MYDGF: variants seen among roughly 807,000 people sequenced by gnomAD.
MYDGF encodes the protein myeloid-derived growth factor.
Under a neutral mutation model 24.2 loss-of-function variants are expected in MYDGF, and 29 were observed. The ratio of observed to expected loss-of-function variants is 1.20; its 90% confidence interval spans 0.89 to 1.63. The LOEUF (loss-of-function observed/expected upper bound fraction) is 1.63, where lower values mean the gene tolerates loss of function less well. MYDGF is among the 40% of genes most tolerant of loss of function. The pLI, the probability that MYDGF is intolerant of heterozygous loss-of-function variation, is 0.00. For missense variants in MYDGF, 245 were observed against 234.8 expected, an observed-to-expected ratio of 1.04 and a Z score of -0.29; for synonymous variants, 105 against 102.5, an observed-to-expected ratio of 1.02 and a Z score of -0.15.
At chr19:4,660,060 A>G in intron 4 of MYDGF, 57 bp from the exon 5 acceptor site, 1 of 1,491,356 alleles carries the variant, frequency 6.7e-7, no homozygotes, top group South Asian at 1.1e-5. Flanking sequence ...ATCATTAGGA[A>G]AACGATTGAG....
intron 3 of MYDGF, 44 bp from the exon 4 acceptor site, chr19:4,660,794 G>T: frequency 6.4e-7 from 1 of 1,565,516 alleles, no homozygotes; most frequent in Non-Finnish European, 8.8e-7. Flanking sequence ...AGGCCTGCTG[G>T]GTCTGGGTCT....
chr19:4,663,249 A>ACATTCTACACAGCCTCCAATCTACCCT (rs2088486078), intron 3 of MYDGF, among the ~76,000 whole-genome samples: 1 of 13,484 alleles, frequency 7.4e-5, no homozygotes, highest in South Asian at 3.1e-3. Context: ...CTCCCCACCC[A>ACATTCTACACAGCCTCCAATCTACCCT]CCCCATCCTC....
Position 4,660,704 on chromosome 19 carries a change from C to T in MYDGF, c.334G>A (p.Val112Met). The T allele has an allele frequency of 6.2e-7, 1 of 1,614,122 alleles. No homozygotes were observed. The highest frequency in any genetic ancestry group is 1.1e-5 in the South Asian group (1 of 91,090). Residue 112 changes from valine (V) to methionine (M), a missense_variant, in exon 4 of 6, where the codon GTG (valine) becomes ATG (methionine). Coordinates refer to ENST00000262947, the MANE Select transcript of MYDGF (RefSeq NM_019107.4). Reference sequence around the variant, plus strand: ...GCGTACTCAATCTCAGCGCCCCGCACCTCTGCCTTGAACTGTGTGAAGTAC... The same window carrying T: ...GCGTACTCAATCTCAGCGCCCCGCATCTCTGCCTTGAACTGTGTGAAGTAC... ...YLYFTQFKAE[V>M]RGAEIEYAMA...
At chr19:4,663,897 C>T (rs1457810754) in intron 3 of MYDGF, among the ~76,000 whole-genome samples, 1 of 150,408 alleles carries the variant, frequency 6.6e-6, no homozygotes, top group African/African-American at 2.5e-5. Flanking sequence ...TGGTTGGTGC[C>T]TGGAGGGGCT....
intron 2 of MYDGF, among the ~76,000 whole-genome samples, chr19:4,667,049 C>T (rs561324354): frequency 3.3e-4 from 50 of 151,808 alleles, no homozygotes; most frequent in African/African-American, 1.1e-3. Flanking sequence ...TCCTAGAGGC[C>T]GCGTGTATTC....
chr19:4,662,571 G>A (rs779414791), intron 3 of MYDGF, among the ~76,000 whole-genome samples: 2 of 152,172 alleles, frequency 1.3e-5, no homozygotes, highest in South Asian at 4.1e-4. Context: ...GGCGGCAGGG[G>A]CAGAATCGGG....
At chr19:4,668,706 CG>C in intron 1 of MYDGF, 61 bp from the exon 2 acceptor site, 1 of 1,458,942 alleles carries the variant, frequency 6.9e-7, no homozygotes, top group African/African-American at 1.4e-5. Flanking sequence ...GTTTAAGAGA[CG>C]GGGTCTTGCT....
intron 3 of MYDGF, among the ~76,000 whole-genome samples, chr19:4,663,007 C>T (rs1189733573): frequency 1.3e-5 from 2 of 151,530 alleles, no homozygotes; most frequent in African/African-American, 4.9e-5. Context: ...TACACAGCCT[C>T]CAGTCTGTGC....
rs111801699 is a variant in MYDGF at position 4,663,708 on chromosome 19, T to C, written c.287+1168A>G. Among the ~76,000 whole-genome samples the C allele has an allele frequency of 2.3e-3, 66 of 29,132 alleles. 1 individual carries two copies. Among genetic ancestry groups the C allele is most frequent in the African/African-American group, 5.0e-3 (42 of 8,360 alleles). The allele number at this position is 29,132 out of a possible 152,430, so 19.1% of individuals were successfully genotyped here. ...CCCACCCTGTCCTCATTCTACACAG[T>C]CTCCAATCTGTGCTCTCCCCACCCA... On this transcript the variant is annotated intron_variant, in intron 3 of 5. Transcript: ENST00000262947.
chr19:4,658,341 G>A (rs1241686977), intron 5 of MYDGF, among the ~76,000 whole-genome samples: 2 of 152,204 alleles, frequency 1.3e-5, no homozygotes, highest in African/African-American at 2.4e-5. Flanking sequence ...GAGGTGGGAA[G>A]AACCCTGGTC....
rs767941479 is a variant in MYDGF, at chr19:4,664,956, G to T, written c.226-19C>A. The T allele has an allele frequency of 6.2e-7, 1 of 1,611,450 alleles. No homozygotes were observed. Among genetic ancestry groups the T allele is most frequent in the Non-Finnish European group, 8.5e-7 (1 of 1,179,290 alleles). On this transcript the variant is annotated intron_variant, in intron 2 of 5. Transcript: ENST00000262947. ...GCCATTGCTGGGGAGAGAAGACAGC[G>T]CGGGTCAGCCCCGGACACACAGCTG...
At chr19:4,668,129 T>C (rs1035280410) in intron 2 of MYDGF, among the ~76,000 whole-genome samples, 1 of 152,166 alleles carries the variant, frequency 6.6e-6, no homozygotes, top group African/African-American at 2.4e-5. Context: ...GGTTTTGCCA[T>C]GTTGGCCAGG....
In MYDGF at chr19:4,657,905, T is replaced by C; in HGVS notation, c.*100A>G. On this transcript the variant is annotated 3_prime_UTR_variant, in exon 6 of 6. Coordinates refer to ENST00000262947, the MANE Select transcript of MYDGF (RefSeq NM_019107.4). ...TCAGCCCAGGTAGAAAACTTAAGAG[T>C]CCCTCCTAGAAAACCAGTGATGTGC... 8.9e-7 allele frequency: 1 copy of C among 1,119,146 alleles called. No homozygotes were observed. Among genetic ancestry groups the C allele is most frequent in the Admixed American group, 2.5e-5 (1 of 39,534 alleles). The allele number at this position is 1,119,146 out of a possible 1,614,324, so 69.3% of individuals were successfully genotyped here. A position where few individuals can be genotyped will look rare whatever the true frequency, so the allele number is the denominator to read the frequency against.
intron 4 of MYDGF, 29 bp downstream of exon 4, chr19:4,660,640 C>G: frequency 6.2e-7 from 1 of 1,600,874 alleles, no homozygotes; most frequent in Non-Finnish European, 8.6e-7. Context: ...AAGCCACACC[C>G]GGAGCCTGCC....
chr19:4,658,232 G>A (rs1568285441), intron 5 of MYDGF, 148 bp from the exon 6 acceptor site: 2 of 637,214 alleles, frequency 3.1e-6, no homozygotes, highest in East Asian at 2.8e-5. Flanking sequence ...CCCAGGCACT[G>A]AAAGTCTTAC....
chr19:4,664,975 A>G, intron 2 of MYDGF, 38 bp from the exon 3 acceptor site: 2 of 1,604,312 alleles, frequency 1.2e-6, no homozygotes, highest in South Asian at 1.1e-5. Flanking sequence ...CCCCGGACAC[A>G]CAGCTGCTCT....
rs998739719 is a variant in MYDGF at position 4,658,144 on chromosome 19, G to A, written c.443-60C>T. 7 of 1,481,562 alleles carry A rather than the reference G, an allele frequency of 4.7e-6. 1 individual carries two copies. The highest frequency in any genetic ancestry group is 3.6e-5 in the South Asian group (3 of 82,566). 91.8% of individuals were successfully genotyped at this position (1,481,562 alleles called of 1,614,324 possible). A position where few individuals can be genotyped will look rare whatever the true frequency, so the allele number is the denominator to read the frequency against. On this transcript the variant is annotated intron_variant, in intron 5 of 5. Transcript: ENST00000262947. Reference sequence around the variant, plus strand: ...ATTGAAAATTCTCAGAAGTCCGGAGGATTTGGGGTGGGGCCCATGGTGGGG... The same window carrying A: ...ATTGAAAATTCTCAGAAGTCCGGAGAATTTGGGGTGGGGCCCATGGTGGGG...
intron 5 of MYDGF, 121 bp from the exon 6 acceptor site, chr19:4,658,205 C>T: frequency 2.6e-6 from 2 of 758,888 alleles, no homozygotes; most frequent in Admixed American, 2.6e-5. Context: ...CCAAAGCAGA[C>T]TCCCATGTGA....
intron 2 of MYDGF, among the ~76,000 whole-genome samples, chr19:4,667,631 G>C (rs972751998): frequency 6.6e-6 from 1 of 152,090 alleles, no homozygotes; most frequent in Non-Finnish European, 1.5e-5. Flanking sequence ...CAAGGAAACC[G>C]GGACCTTGGT....
Sources: allele counts gnomAD v4.1 joint callset (sites outside exome capture counted in the v4.1 genomes callset), GRCh38; gene constraint gnomAD v4.1.1; transcripts MANE v1.5; gene names NCBI Gene and HGNC (gene_info 2026-07-23, HGNC 2026-07-21).